TRABD2B: variants seen among roughly 807,000 people sequenced by gnomAD.
TRABD2B encodes the protein TraB domain containing 2B.
Under a neutral mutation model 40.1 loss-of-function variants are expected in TRABD2B, and 14 were observed. That is an observed-to-expected ratio of 0.35 (90% CI 0.23 to 0.55). The LOEUF is 0.55. TRABD2B is among the 20% of genes least tolerant of loss of function. The pLI is 0.90. For missense variants in TRABD2B, 541 were observed against 648.6 expected (o/e 0.83, Z 1.80); for synonymous variants, 263 against 277.0 (o/e 0.95, Z 0.50).
intron 2 of TRABD2B, among the ~76,000 whole-genome samples, chr1:47,850,723 G>A (rs1431487179): frequency 6.6e-6 from 1 of 152,214 alleles, no homozygotes; most frequent in Non-Finnish European, 1.5e-5. Context: ...GGGAATGAAT[G>A]AATCCTGCAG....
chr1:47,852,373 T>C (rs999995353), intron 2 of TRABD2B, among the ~76,000 whole-genome samples: 1 of 152,196 alleles, frequency 6.6e-6, no homozygotes. Context: ...TAACCGACCA[T>C]GAACAGAATT....
chr1:47,907,931 G>A (rs11584750), intron 2 of TRABD2B, among the ~76,000 whole-genome samples: 3,563 of 152,318 alleles, frequency 0.023, 106 homozygotes, highest in Admixed American at 0.09. Flanking sequence ...GTGGAACAAA[G>A]AGAGGGACTA....
At chr1:47,811,763 G>C (rs1000166054) in intron 2 of TRABD2B, among the ~76,000 whole-genome samples, 3 of 152,178 alleles carry the variant, frequency 2.0e-5, no homozygotes, top group African/African-American at 7.2e-5. Context: ...TGCATATTCT[G>C]GTGCTGTGGG....
rs1487181531 is a variant in TRABD2B, at chr1:47,766,041, G to C, written c.1415C>G (p.Pro472Arg). Residue 472 changes from proline to arginine, a missense_variant, in exon 7 of 7, where the codon CCC (proline) becomes CGC (arginine). By Grantham distance (103) the Pro-to-Arg change is moderately radical (BLOSUM62 -2). This residue lies in a region of TRABD2B where 172 missense variants were observed against 155.8 expected (regional missense o/e 1.10). Coordinates refer to ENST00000606738, the MANE Select transcript of TRABD2B (RefSeq NM_001194986.2). ...PTHSSGTAKP[P>R]FQLSDQLQQQ... is the part of the protein sequence containing the mutation. ...TTGTAGCTGGTCTGAAAGCTGGAAGGGGGGCTTGGCGGTCCCCGAGCTGTG... is the reference window on the plus strand; with the variant it reads ...TTGTAGCTGGTCTGAAAGCTGGAAGCGGGGCTTGGCGGTCCCCGAGCTGTG... 1.3e-5 allele frequency: 9 copies of C among 696,084 alleles called. No homozygotes were observed. The highest frequency in any genetic ancestry group is 2.1e-5 in the Non-Finnish European group (8 of 381,422). The allele number at this position is 696,084 out of a possible 1,614,324, so 43.1% of individuals were successfully genotyped here.
Position 47,994,355 on chromosome 1 carries a change from G to A in TRABD2B, c.345C>T (p.His115=), listed in dbSNP as rs1206302268. 10 of 1,536,090 alleles carry A rather than the reference G, an allele frequency of 6.5e-6. No homozygotes were observed. The highest frequency in any genetic ancestry group is 1.4e-5 in the African/African-American group (1 of 73,070). Residue 115 remains histidine (H), a synonymous_variant, in exon 2 of 7, where the codon CAC becomes CAT. Transcript: ENST00000606738. The surrounding 1 kb of genome is among the most constrained non-coding windows in gnomAD (Gnocchi z 6.7). Reference sequence around the variant, plus strand: ...GGCGCTTCAAGCGCCAGTAAAGCTCGTGGGGCAGCACGTCCTGCAGGTTTT... The same window carrying A: ...GGCGCTTCAAGCGCCAGTAAAGCTCATGGGGCAGCACGTCCTGCAGGTTTT... ...HGENLQDVLP[H]ELYWRLKRHL...
chr1:47,916,968 G>A (rs1644838313), intron 2 of TRABD2B, among the ~76,000 whole-genome samples: 1 of 152,242 alleles, frequency 6.6e-6, no homozygotes, highest in Admixed American at 6.5e-5. Context: ...ACTGTTCTAT[G>A]AAGCAGGTAC....
At chr1:47,883,699 T>C (rs923650993) in intron 2 of TRABD2B, among the ~76,000 whole-genome samples, 21 of 152,198 alleles carry the variant, frequency 1.4e-4, no homozygotes, top group African/African-American at 2.2e-4. Context: ...TACAATCTTC[T>C]TGTTCCAACT....
chr1:47,777,648 C>G (rs371955497), intron 5 of TRABD2B, among the ~76,000 whole-genome samples: 1 of 152,160 alleles, frequency 6.6e-6, no homozygotes, highest in Non-Finnish European at 1.5e-5. Flanking sequence ...GAGCCTGGTA[C>G]GGAGAGAGCA....
intron 2 of TRABD2B, among the ~76,000 whole-genome samples, chr1:47,891,477 C>A (rs1644444427): frequency 6.6e-6 from 1 of 151,964 alleles, no homozygotes; most frequent in Admixed American, 6.6e-5. Flanking sequence ...AAAAGGGTTC[C>A]AGGCAGAGGC....
rs137963893 is a variant in TRABD2B, at chr1:47,789,419, G to A, written c.988+5167C>T. 1.7e-3 allele frequency among the ~76,000 whole-genome samples: 260 copies of A among 152,218 alleles called. 4 individuals carry two copies. The highest frequency in any genetic ancestry group is 5.2e-3 in the African/African-American group (214 of 41,510). On this transcript the variant is annotated intron_variant, in intron 4 of 6. Coordinates refer to ENST00000606738, the MANE Select transcript of TRABD2B (RefSeq NM_001194986.2). ...CAGCAGACATCACAAATCAATAAGGGCCTCTTCTCTGCTGGGCTCTGATGC... is the reference window on the plus strand; with the variant it reads ...CAGCAGACATCACAAATCAATAAGGACCTCTTCTCTGCTGGGCTCTGATGC...
chr1:47,781,344 G>A (rs1315297243), intron 4 of TRABD2B, among the ~76,000 whole-genome samples: 1 of 152,200 alleles, frequency 6.6e-6, no homozygotes, highest in Admixed American at 6.5e-5. Flanking sequence ...GGCTGTACAG[G>A]AGCAGCAGCA....
intron 2 of TRABD2B, among the ~76,000 whole-genome samples, chr1:47,977,468 G>A (rs1440275832): frequency 1.3e-5 from 2 of 152,098 alleles, no homozygotes; most frequent in African/African-American, 4.8e-5. Flanking sequence ...CACTAGGCAC[G>A]CTGTTCATTT....
At chr1:47,783,854 G>A (rs1276231994) in intron 4 of TRABD2B, among the ~76,000 whole-genome samples, 3 of 152,288 alleles carry the variant, frequency 2.0e-5, no homozygotes, top group Admixed American at 1.3e-4. Context: ...AGGGTAGAGC[G>A]AGTGCTGTCC....
chr1:47,794,823 G>GT, intron 3 of TRABD2B, 63 bp from the exon 4 acceptor site: 1 of 1,382,954 alleles, frequency 7.2e-7, no homozygotes, highest in Non-Finnish European at 9.4e-7. Context: ...GATAAAGGGT[G>GT]TTACTGTCAC....
At chr1:47,868,803 C>T (rs142867685) in intron 2 of TRABD2B, among the ~76,000 whole-genome samples, 3 of 152,302 alleles carry the variant, frequency 2.0e-5, no homozygotes, top group East Asian at 3.9e-4. Flanking sequence ...TCTACTCAAG[C>T]GCAATCTGCC....
rs61739636 is a variant in TRABD2B at position 47,765,958 on chromosome 1, C to T, written c.1498G>A (p.Ala500Thr). The stretch of plus-strand genomic sequence containing the variant: ...CAGACAGCGATGGTGGTGGCGATGG[C>T]GGGGAGAAGGCCCAGGGTGGGTGCC... Reference protein sequence around the residue: ...SSAPTLGLLPAIATTIAVCFL... With the variant: ...SSAPTLGLLPTIATTIAVCFL... Residue 500 changes from alanine (A) to threonine (T), a missense_variant, in exon 7 of 7, where the codon GCC becomes ACC. Physicochemically the swap from Ala to Thr is moderately conservative, Grantham distance 58. Coordinates refer to ENST00000606738, the MANE Select transcript of TRABD2B (RefSeq NM_001194986.2). 2,073 of 702,664 alleles carry T rather than the reference C, an allele frequency of 3.0e-3. 7 individuals carry two copies. The highest frequency in any genetic ancestry group is 4.4e-3 in the Non-Finnish European group (1,679 of 384,862). The allele number at this position is 702,664 out of a possible 1,614,324, so 43.5% of individuals were successfully genotyped here.
chr1:47,781,422 T>TA (rs1397064349), intron 4 of TRABD2B, among the ~76,000 whole-genome samples: 3 of 152,114 alleles, frequency 2.0e-5, no homozygotes, highest in Non-Finnish European at 4.4e-5. Flanking sequence ...AGGAGACACT[T>TA]AGAGGGCCCA....
chr1:47,766,307 T>C (rs541097104), intron 6 of TRABD2B, among the ~76,000 whole-genome samples: 18 of 152,082 alleles, frequency 1.2e-4, no homozygotes, highest in Admixed American at 1.0e-3. Context: ...CGGACCCCCT[T>C]TGCCGGGCTC....
intron 2 of TRABD2B, among the ~76,000 whole-genome samples, chr1:47,814,728 G>A (rs113054042): frequency 1.6e-4 from 24 of 152,328 alleles, no homozygotes; most frequent in East Asian, 5.8e-4. Context: ...AGAAGACTGC[G>A]TGGGACCCGC....
Sources: allele counts gnomAD v4.1 joint callset (sites outside exome capture counted in the v4.1 genomes callset), GRCh38; gene constraint gnomAD v4.1.1; regional missense constraint gnomAD v4.1.1; non-coding constraint Gnocchi (gnomAD v3.1); transcripts MANE v1.5; gene names NCBI Gene and HGNC (gene_info 2026-07-23, HGNC 2026-07-21).